The following FETUB variants were observed in gnomAD, a reference collection of about 807,000 sequenced individuals.
The protein encoded by FETUB is fetuin-B.
FETUB carries 28 observed loss-of-function variants against 30.9 expected under a neutral mutation model. The ratio of observed to expected loss-of-function variants is 0.90; its 90% confidence interval spans 0.67 to 1.24. FETUB has a LOEUF of 1.24. FETUB is among the 50% of genes most tolerant of loss of function. FETUB has a pLI of 0.00. For synonymous variants in FETUB, 186 were observed against 175.9 expected (o/e 1.06, Z -0.45); for missense variants, 469 against 455.3 (o/e 1.03, Z -0.27).
At chr3:186,652,134 A>G in intron 6 of FETUB, 129 bp from the exon 7 acceptor site, 1 of 1,006,992 alleles carries the variant, frequency 9.9e-7, no homozygotes, top group Admixed American at 2.7e-5. Flanking sequence ...TTTCACCAGG[A>G]GGCCCATCCC....
chr3:186,646,179 G>A (rs1717518300), intron 4 of FETUB, 69 bp from the exon 5 acceptor site: 2 of 1,131,928 alleles, frequency 1.8e-6, no homozygotes, highest in South Asian at 1.3e-5. Context: ...ATATAACGCT[G>A]CCAAACCTGA....
chr3:186,650,403 A>C (rs917661259), intron 5 of FETUB, among the ~76,000 whole-genome samples: 5 of 152,198 alleles, frequency 3.3e-5, no homozygotes, highest in African/African-American at 1.2e-4. Context: ...AACTAGGAAT[A>C]CATGAAAAGA....
At position 186,640,509 on chromosome 3, in the gene FETUB, G is replaced by C. The variant is rs148037844; in HGVS notation, c.49G>C (p.Gly17Arg). ...ACTCTGCATCCTAGTCCTGTGCTGCGGAGCAATGTCTCCACCCCAGCTGGC... is the reference window on the plus strand; with the variant it reads ...ACTCTGCATCCTAGTCCTGTGCTGCCGAGCAATGTCTCCACCCCAGCTGGC... ...LALCILVLCC[G>R]AMSPPQLALN... Residue 17 changes from glycine to arginine, a missense_variant, in exon 1 of 7, where the codon GGA becomes CGA. Coordinates refer to ENST00000265029, the MANE Select transcript of FETUB (RefSeq NM_014375.3). 1.4e-5 allele frequency: 22 copies of C among 1,614,132 alleles called. No individual in the cohort carries two copies. Among genetic ancestry groups the C allele is most frequent in the Non-Finnish European group, 1.9e-5 (22 of 1,180,022 alleles).
intron 5 of FETUB, chr3:186,647,104 A>C (rs1717607746): frequency 6.6e-6 from 1 of 152,184 alleles, no homozygotes; most frequent in Admixed American, 6.5e-5. Context: ...ATCATACAGC[A>C]TATGGTCTTT....
chr3:186,642,322 T>C (rs1579035665), intron 2 of FETUB, 149 bp from the exon 3 acceptor site: 1 of 605,938 alleles, frequency 1.7e-6, no homozygotes, highest in East Asian at 2.8e-5. Context: ...AGTTTGATCA[T>C]CAACTGCAGT....
intron 6 of FETUB, chr3:186,651,512 C>A: frequency 1.9e-6 from 1 of 534,170 alleles, no homozygotes; most frequent in East Asian, 3.2e-5. Context: ...ATAAGCAAGA[C>A]AAATTCAGAA....
upstream of FETUB, among the ~76,000 whole-genome samples, chr3:186,640,106 AG>A (rs1012548054): frequency 1.6e-4 from 24 of 152,162 alleles, no homozygotes; most frequent in African/African-American, 4.3e-4. Flanking sequence ...GTTAGGGGAG[AG>A]GGGGAGAATG....
chr3:186,640,741 G>A, intron 1 of FETUB, 56 bp downstream of exon 1: 1 of 1,454,728 alleles, frequency 6.9e-7, no homozygotes, highest in Non-Finnish European at 9.7e-7. Flanking sequence ...TGGAGAGACT[G>A]GCCAGGGTGA....
intron 3 of FETUB, among the ~76,000 whole-genome samples, chr3:186,643,458 TTC>T (rs1337370369): frequency 6.6e-6 from 1 of 152,174 alleles, no homozygotes; most frequent in Non-Finnish European, 1.5e-5. Context: ...CAAGTGTAGA[TTC>T]TGATTCCACA....
Position 186,642,543 on chromosome 3 carries a change from T to C in FETUB, c.409T>C (p.Cys137Arg), listed in dbSNP as rs1415848044. The part of the protein sequence containing the change: ...SRVLYLAAYN[C>R]TLRPVSKKKI... The stretch of plus-strand genomic sequence containing the variant: ...AGTTCTCTATTTAGCTGCTTATAAC[T>C]GTACTCTTCGCCCAGGTAAGAAATC... Residue 137 changes from cysteine (C) to arginine (R), a missense_variant, in exon 3 of 7, where the codon TGT becomes CGT. Coordinates refer to ENST00000265029, the MANE Select transcript of FETUB (RefSeq NM_014375.3). 2 of 1,598,708 alleles carry C rather than the reference T, an allele frequency of 1.3e-6. No homozygotes were observed.
rs1426782165 is a variant in FETUB at position 186,644,275 on chromosome 3, G to A, written c.425-476G>A. 3.9e-5 allele frequency among the ~76,000 whole-genome samples: 6 copies of A among 152,206 alleles called. No individual in the cohort carries two copies. The East Asian group carries it at 5.8e-4, about 15-fold the overall frequency. On this transcript the variant is annotated intron_variant, in intron 3 of 6. Transcript: ENST00000265029. ...ATCTCACTTGCATTTCTAACCAAAC[G>A]GGGTGCGCTTCTGCCTTCTACTATG...
At chr3:186,651,937 A>C (rs1482563267) in intron 6 of FETUB, 1 of 190,192 alleles carries the variant, frequency 5.3e-6, no homozygotes, top group East Asian at 1.3e-4. Flanking sequence ...AGAATAAACA[A>C]GCAAGGAAAG....
upstream of FETUB, among the ~76,000 whole-genome samples, chr3:186,638,628 G>A (rs374434156): frequency 2.6e-4 from 39 of 152,302 alleles, no homozygotes; most frequent in African/African-American, 8.7e-4. Context: ...TGCATAAGTG[G>A]TGGTGCACGA....
chr3:186,645,709 G>T (rs529126663), intron 4 of FETUB, among the ~76,000 whole-genome samples: 95 of 149,608 alleles, frequency 6.3e-4, no homozygotes, highest in African/African-American at 1.9e-3. Flanking sequence ...GGTGTTTAGG[G>T]CCCATTCAAA....
In FETUB at chr3:186,640,541, C is replaced by T. The variant is rs1333389534; in HGVS notation, c.81C>T (p.Asn27=). Residue 27 remains asparagine (N), a synonymous_variant, in exon 1 of 7, where the codon AAC becomes AAT. Transcript: ENST00000265029. ...TGTCTCCACCCCAGCTGGCCCTCAA[C>T]CCCTCGGCTCTGCTCTCCCGGGGCT... is the stretch of plus-strand genomic sequence containing the variant. ...GAMSPPQLAL[N]PSALLSRGCN... 7.4e-6 allele frequency: 12 copies of T among 1,614,088 alleles called. No homozygotes were observed. Among genetic ancestry groups the T allele is most frequent in the South Asian group, 6.6e-5 (6 of 91,090 alleles).
Position 186,652,565 on chromosome 3 carries a change from A to G in FETUB, c.1083A>G (p.Glu361=), listed in dbSNP as rs1463734910. The G allele has an allele frequency of 1.9e-6, 3 of 1,613,810 alleles. No individual in the cohort carries two copies. The African/African-American group carries it at 4.0e-5, about 22-fold the overall frequency. The change falls in exon 7 of 7, where the codon GAA becomes GAG. Residue 361 remains glutamate, a synonymous_variant. Coordinates refer to ENST00000265029, the MANE Select transcript of FETUB (RefSeq NM_014375.3). ...EKLVVLPFPK[E]KARTAECPGP... ...TGGTGGTCCTGCCTTTCCCCAAAGAAAAAGCACGCACTGCTGAGTGCCCAG... is the reference window on the plus strand; with the variant it reads ...TGGTGGTCCTGCCTTTCCCCAAAGAGAAAGCACGCACTGCTGAGTGCCCAG...
At chr3:186,651,445 G>A (rs1341604587) in intron 6 of FETUB, 144 bp downstream of exon 6, 6 of 650,842 alleles carry the variant, frequency 9.2e-6, no homozygotes, top group African/African-American at 9.0e-5. Flanking sequence ...CACATCCACA[G>A]GATAGCCAGT....
chr3:186,651,259 G>T lies in FETUB; in HGVS notation c.738G>T (p.Trp246Cys), dbSNP rs777369711. The change falls in exon 6 of 7, where the codon TGG (tryptophan) becomes TGT (cysteine). Residue 246 changes from tryptophan (W) to cysteine (C), a missense_variant. Transcript: ENST00000265029. ...LCKGSLTRTHWEKFVSVTCDF... is the reference protein window; with the variant it reads ...LCKGSLTRTHCEKFVSVTCDF... ...AAGGTTCTCTGACTCGAACACACTG[G>T]GAAAAGTTTGTCTCTGTGACTTGTG... is the stretch of plus-strand genomic sequence containing the variant. The T allele has an allele frequency of 6.2e-7, 1 of 1,613,698 alleles. No individual in the cohort carries two copies. Among genetic ancestry groups the T allele is most frequent in the South Asian group, 1.1e-5 (1 of 91,052 alleles).
chr3:186,639,582 T>C (rs151238375), upstream of FETUB, among the ~76,000 whole-genome samples: 1,755 of 147,888 alleles, frequency 0.012, 15 homozygotes, highest in Middle Eastern at 0.039. Context: ...TTTGTTGAAA[T>C]ACAGTTTTTA....
Sources: gnomAD v4.1 joint callset for allele counts (sites outside exome capture counted in the v4.1 genomes callset) on GRCh38, gnomAD v4.1.1 for gene constraint, MANE v1.5 for transcripts, NCBI Gene and HGNC (gene_info 2026-07-23, HGNC 2026-07-21) for gene names.